The following DENND1A variants were observed in gnomAD, a reference collection of about 807,000 sequenced individuals.
The protein encoded by DENND1A is DENN domain-containing protein 1A.
Under a neutral mutation model 113.7 loss-of-function variants are expected in DENND1A, and 51 were observed. The ratio of observed to expected loss-of-function variants is 0.45; its 90% CI spans 0.36 to 0.57. The LOEUF is 0.57. DENND1A is among the 20% of genes least tolerant of loss of function. The probability of loss-of-function intolerance (pLI) is 0.00; values close to 1 mark genes in which losing one functional copy is unlikely to be tolerated. For synonymous variants in DENND1A, 565 were observed against 570.8 expected (o/e 0.99, Z 0.14); for missense variants, 1,258 against 1,395.9 (o/e 0.90, Z 1.57).
At chr9:123,793,360 A>G (rs758576901) in intron 2 of DENND1A, among the ~76,000 whole-genome samples, 1 of 152,216 alleles carries the variant, frequency 6.6e-6, no homozygotes, top group Non-Finnish European at 1.5e-5. Context: ...AGATGATCCA[A>G]TGCCATCTTC....
chr9:123,636,603 A>G (rs922219326), intron 9 of DENND1A, among the ~76,000 whole-genome samples: 2 of 150,104 alleles, frequency 1.3e-5, no homozygotes, highest in African/African-American at 4.9e-5. Flanking sequence ...ACCTCCTACT[A>G]TGTTTGACAC....
intron 13 of DENND1A, among the ~76,000 whole-genome samples, chr9:123,540,620 TCTC>T (rs1397563612): frequency 1.3e-5 from 2 of 152,152 alleles, no homozygotes; most frequent in African/African-American, 2.4e-5. Flanking sequence ...GACAGACTGG[TCTC>T]CTCAGCACTA....
intron 11 of DENND1A, among the ~76,000 whole-genome samples, chr9:123,587,589 G>T (rs1483258557): frequency 1.3e-5 from 2 of 152,048 alleles, no homozygotes; most frequent in African/African-American, 4.8e-5. Flanking sequence ...CCGTTTATAG[G>T]CTCTCCACAA....
intron 1 of DENND1A, among the ~76,000 whole-genome samples, chr9:123,922,500 C>T (rs767448129): frequency 5.3e-5 from 8 of 152,176 alleles, no homozygotes; most frequent in South Asian, 2.1e-4. Flanking sequence ...CGTTCCAATG[C>T]GTCATCTTGT....
intron 5 of DENND1A, among the ~76,000 whole-genome samples, chr9:123,697,743 G>GA (rs1250775406): frequency 6.6e-6 from 1 of 152,060 alleles, no homozygotes; most frequent in Non-Finnish European, 1.5e-5. Flanking sequence ...GCCTCAATGC[G>GA]AAAAACCAGG....
At chr9:123,773,245 G>C (rs550557803) in intron 3 of DENND1A, among the ~76,000 whole-genome samples, 2 of 152,196 alleles carry the variant, frequency 1.3e-5, no homozygotes, top group South Asian at 2.1e-4. Context: ...ACAAAGCTCT[G>C]CCCACAAGAG....
intron 5 of DENND1A, among the ~76,000 whole-genome samples, chr9:123,698,053 C>G (rs991437943): frequency 3.3e-5 from 5 of 152,158 alleles, no homozygotes; most frequent in African/African-American, 4.8e-5. Context: ...AGATTTAACT[C>G]TATCCTTATC....
chr9:123,499,201 T>A (rs1369514948), intron 13 of DENND1A, among the ~76,000 whole-genome samples: 1 of 151,800 alleles, frequency 6.6e-6, no homozygotes, highest in African/African-American at 2.4e-5. Flanking sequence ...GCCTGGCTAC[T>A]TTTTGTATTT....
At chr9:123,736,141 T>C (rs1421650028) in intron 5 of DENND1A, among the ~76,000 whole-genome samples, 1 of 152,228 alleles carries the variant, frequency 6.6e-6, no homozygotes, top group Admixed American at 6.5e-5. Context: ...AATAGCAGTT[T>C]TGTCTTTATC....
chr9:123,761,575 C>T (rs1489493929), intron 4 of DENND1A, among the ~76,000 whole-genome samples: 1 of 152,138 alleles, frequency 6.6e-6, no homozygotes, highest in Non-Finnish European at 1.5e-5. Context: ...GCTTGCCTTA[C>T]AGTGAAAAAG....
intron 20 of DENND1A, among the ~76,000 whole-genome samples, chr9:123,403,843 A>G (rs758912732): frequency 6.6e-5 from 10 of 152,136 alleles, no homozygotes; most frequent in Non-Finnish European, 1.0e-4. Flanking sequence ...TATCAATGAC[A>G]ATTCCCTCTC....
intron 5 of DENND1A, among the ~76,000 whole-genome samples, chr9:123,752,961 G>T (rs975373725): frequency 6.6e-6 from 1 of 152,174 alleles, no homozygotes; most frequent in African/African-American, 2.4e-5. Context: ...TCTCAAGGAG[G>T]AGTAAAATTC....
intron 10 of DENND1A, among the ~76,000 whole-genome samples, chr9:123,629,386 A>C (rs2061380471): frequency 6.6e-6 from 1 of 152,238 alleles, no homozygotes; most frequent in Non-Finnish European, 1.5e-5. Flanking sequence ...ACACTAGAGA[A>C]AGAAATTATT....
chr9:123,845,583 T>C (rs1339541198), intron 2 of DENND1A, among the ~76,000 whole-genome samples: 1 of 148,408 alleles, frequency 6.7e-6, no homozygotes, highest in Non-Finnish European at 1.5e-5. Flanking sequence ...GGTGGGAAGA[T>C]TGTTTGAGCC....
chr9:123,502,475 C>T (rs2052574490), intron 13 of DENND1A, among the ~76,000 whole-genome samples: 1 of 152,110 alleles, frequency 6.6e-6, no homozygotes. Flanking sequence ...GCCATTTGTA[C>T]ATTTTCTTTG....
chr9:123,505,005 A>G (rs2052796912), intron 13 of DENND1A, among the ~76,000 whole-genome samples: 1 of 152,238 alleles, frequency 6.6e-6, no homozygotes, highest in South Asian at 2.1e-4. Context: ...TTGTAAAAGA[A>G]GAGTTTTGCT....
intron 10 of DENND1A, among the ~76,000 whole-genome samples, chr9:123,625,377 C>T (rs1564838608): frequency 6.6e-6 from 1 of 152,260 alleles, no homozygotes; most frequent in Non-Finnish European, 1.5e-5. Context: ...TTCCCCTCCA[C>T]AGTTCCAGGA....
At chr9:123,549,427 C>T (rs1381573206) in intron 13 of DENND1A, among the ~76,000 whole-genome samples, 5 of 152,082 alleles carry the variant, frequency 3.3e-5, no homozygotes, top group Admixed American at 3.3e-4. Flanking sequence ...CACCCTCCCA[C>T]CCATCAAGGG....
intron 12 of DENND1A, among the ~76,000 whole-genome samples, chr9:123,565,422 C>T (rs2058000510): frequency 6.6e-6 from 1 of 152,210 alleles, no homozygotes; most frequent in African/African-American, 2.4e-5. Flanking sequence ...GCAGGTACTG[C>T]TTCTCTTTCC....
Sources: gnomAD v4.1 joint callset for allele counts (sites outside exome capture counted in the v4.1 genomes callset) on GRCh38, gnomAD v4.1.1 for gene constraint, MANE v1.5 for transcripts, NCBI Gene and HGNC (gene_info 2026-07-23, HGNC 2026-07-21) for gene names.